Variants in PRKN observed in about 807,000 individuals in gnomAD.
The protein encoded by PRKN is parkin RBR E3 ubiquitin protein ligase, also known as E3 ubiquitin-protein ligase parkin.
Under a neutral mutation model 59.5 loss-of-function variants are expected in PRKN, and 56 were observed. That is an observed-to-expected ratio of 0.94 (90% CI 0.76 to 1.18). PRKN has a LOEUF of 1.18. PRKN is among the 50% of genes most tolerant of loss of function. PRKN has a pLI of 0.00. For missense variants in PRKN, 657 were observed against 596.4 expected (o/e 1.10, Z -1.06); for synonymous variants, 250 against 222.1 (o/e 1.13, Z -1.12).
intron 4 of PRKN, among the ~76,000 whole-genome samples, chr6:162,191,323 G>A (rs1364260440): frequency 6.6e-6 from 1 of 152,182 alleles, no homozygotes; most frequent in Non-Finnish European, 1.5e-5. Context: ...GCAAACACTT[G>A]CTTTTCAACA....
At chr6:161,504,305 GCA>G (rs1343325238) in intron 9 of PRKN, among the ~76,000 whole-genome samples, 1 of 152,152 alleles carries the variant, frequency 6.6e-6, no homozygotes. Flanking sequence ...GGAAGAGCCG[GCA>G]GGGATTGCCA....
rs182674266 is a variant in PRKN at position 161,925,697 on chromosome 6, T to A, written c.734+47605A>T. On this transcript the variant is annotated intron_variant, in intron 6 of 11. Transcript: ENST00000366898. ...GAGTTGTAACTAAGTGCATTAAAGA[T>A]ACAATTGAACTTATTCCCAGATGTC... Among the ~76,000 whole-genome samples the A allele has an allele frequency of 1.1e-3, 163 of 152,324 alleles. 2 individuals are homozygous for A. The Middle Eastern group carries it at 0.014, about 13-fold the overall frequency.
chr6:161,612,990 G>A (rs1017412365), intron 7 of PRKN, among the ~76,000 whole-genome samples: 2 of 152,094 alleles, frequency 1.3e-5, no homozygotes, highest in African/African-American at 4.8e-5. Flanking sequence ...CAGATGAAGG[G>A]ATAATTTCAA....
chr6:162,599,220 A>G (rs965454220), intron 1 of PRKN, among the ~76,000 whole-genome samples: 2 of 152,192 alleles, frequency 1.3e-5, no homozygotes, highest in African/African-American at 4.8e-5. Context: ...CAGGCAGTTA[A>G]GAAACAATGA....
At chr6:161,910,062 T>C (rs1440911605) in intron 6 of PRKN, among the ~76,000 whole-genome samples, 2 of 152,106 alleles carry the variant, frequency 1.3e-5, no homozygotes, top group African/African-American at 4.8e-5. Context: ...GGTTCAAGTC[T>C]TCAGTGGAGG....
intron 1 of PRKN, among the ~76,000 whole-genome samples, chr6:162,552,927 C>G (rs1016824009): frequency 1.3e-4 from 20 of 152,192 alleles, no homozygotes; most frequent in African/African-American, 4.3e-4. Context: ...GAGTTTCAAC[C>G]AGAGGGGGTG....
intron 4 of PRKN, among the ~76,000 whole-genome samples, chr6:162,070,212 T>A (rs1485366606): frequency 6.6e-6 from 1 of 152,234 alleles, no homozygotes; most frequent in East Asian, 1.9e-4. Context: ...TTCTCACATG[T>A]AACTACTTGG....
rs187226717 is a variant in PRKN, at chr6:162,686,663, C to A, written c.7+40999G>T. Among the ~76,000 whole-genome samples, 423 of 152,258 alleles carry A rather than the reference C, an allele frequency of 2.8e-3. 9 individuals carry two copies. Among genetic ancestry groups the A allele is most frequent in the Admixed American group, 0.025 (378 of 15,294 alleles). On this transcript the variant is annotated intron_variant, in intron 1 of 11. Transcript: ENST00000366898. ...ATGATGGCTCGTGCCTGTAATCCTA[C>A]CACTTTGGGAAGTCAAGCTGGGTAA...
chr6:162,674,200 A>C (rs181811751), intron 1 of PRKN, among the ~76,000 whole-genome samples: 1 of 152,322 alleles, frequency 6.6e-6, no homozygotes, highest in Non-Finnish European at 1.5e-5. Context: ...ATTTATTGAG[A>C]CTAAATATTT....
At chr6:161,532,139 GCACTCT>G (rs1409859720) in intron 9 of PRKN, among the ~76,000 whole-genome samples, 5 of 85,170 alleles carry the variant, frequency 5.9e-5, no homozygotes, top group African/African-American at 2.4e-4. Context: ...TCTCTGTCTT[GCACTCT>G]CTCTCTCTCT....
At chr6:162,072,106 C>A (rs1778601538) in intron 4 of PRKN, among the ~76,000 whole-genome samples, 1 of 152,032 alleles carries the variant, frequency 6.6e-6, no homozygotes. Context: ...CTGAAAGAGA[C>A]TTTTGCACGT....
intron 7 of PRKN, among the ~76,000 whole-genome samples, chr6:161,590,784 TTAGACAAACACAAA>T (rs1781692081): frequency 6.6e-6 from 1 of 150,988 alleles, no homozygotes; most frequent in Admixed American, 6.6e-5. Flanking sequence ...GGAGGAAACA[TTAGACAAACACAAA>T]TTGAAGGATA....
intron 7 of PRKN, among the ~76,000 whole-genome samples, chr6:161,642,098 A>G (rs546252361): frequency 2.5e-4 from 38 of 152,352 alleles, no homozygotes; most frequent in Non-Finnish European, 3.8e-4. Flanking sequence ...AATGGATTAG[A>G]AAGCAAAGGG....
intron 6 of PRKN, among the ~76,000 whole-genome samples, chr6:161,880,130 T>C (rs1794877966): frequency 6.6e-6 from 1 of 152,220 alleles, no homozygotes; most frequent in South Asian, 2.1e-4. Context: ...ATGGTATATG[T>C]AGATACTGCT....
chr6:162,480,918 G>A (rs778737175), intron 1 of PRKN, among the ~76,000 whole-genome samples: 7 of 151,854 alleles, frequency 4.6e-5, no homozygotes, highest in Admixed American at 3.9e-4. Context: ...TGATTCTCCC[G>A]CCTCAGCCTC....
chr6:162,516,888 T>C (rs975515102), intron 1 of PRKN, among the ~76,000 whole-genome samples: 6 of 152,100 alleles, frequency 3.9e-5, no homozygotes, highest in African/African-American at 1.2e-4. Context: ...CTGCTGAGCA[T>C]AGTAGTTAAA....
chr6:162,181,496 A>C (rs745685030), intron 4 of PRKN, among the ~76,000 whole-genome samples: 1 of 152,196 alleles, frequency 6.6e-6, no homozygotes, highest in African/African-American at 2.4e-5. Flanking sequence ...ATTTAACGGG[A>C]CAAGGGAAGG....
chr6:161,538,998 C>G lies in PRKN; in HGVS notation c.1083+9856G>C, dbSNP rs1361580046. On this transcript the variant is annotated intron_variant, in intron 9 of 11. Transcript: ENST00000366898. The surrounding 1 kb of genome is among the most constrained non-coding windows in gnomAD (Gnocchi z 4.2). ...TGTGAAGAGTGAGGGCGTGCTGCTTCTTCATCATGCCATGAGGCTAACATG... is the reference window on the plus strand; with the variant it reads ...TGTGAAGAGTGAGGGCGTGCTGCTTGTTCATCATGCCATGAGGCTAACATG... Among the ~76,000 whole-genome samples, 1 of 152,168 alleles carries G rather than the reference C, an allele frequency of 6.6e-6. No individual in the cohort carries two copies. The highest frequency in any genetic ancestry group is 1.5e-5 in the Non-Finnish European group (1 of 68,034).
rs1177715972 is a variant in PRKN at position 161,385,714 on chromosome 6, T to A, written c.1167+1080A>T. Among the ~76,000 whole-genome samples, 1 of 152,184 alleles carries A rather than the reference T, an allele frequency of 6.6e-6. No individual in the cohort carries two copies. The highest frequency in any genetic ancestry group is 1.5e-5 in the Non-Finnish European group (1 of 68,042). On this transcript the variant is annotated intron_variant, in intron 10 of 11. Transcript: ENST00000366898. The surrounding 1 kb of genome is among the most constrained non-coding windows in gnomAD (Gnocchi z 4.9). ...ATACCCGCCTCCATTACAGCGGTCC[T>A]GAGGCAGGGGTCTCTGGGCCATTAT...
Sources: gnomAD v4.1 joint callset for allele counts (sites outside exome capture counted in the v4.1 genomes callset) on GRCh38, gnomAD v4.1.1 for gene constraint, Gnocchi (gnomAD v3.1) non-coding constraint, MANE v1.5 for transcripts, NCBI Gene and HGNC (gene_info 2026-07-23, HGNC 2026-07-21) for gene names.